The following NOX4 variants were observed in gnomAD, a reference collection of about 807,000 sequenced individuals.
NOX4 encodes NADPH oxidase 4.
A neutral mutation model predicts 87.6 loss-of-function variants in NOX4; 69 were observed. The ratio of observed to expected loss-of-function variants is 0.79; its 90% confidence interval spans 0.65 to 0.96. The LOEUF (loss-of-function observed/expected upper bound fraction) is 0.96. Among genes scored for constraint, NOX4 ranks in the 40% least tolerant of loss-of-function variants. The pLI is 0.00. For synonymous variants in NOX4, 275 were observed against 238.2 expected (o/e 1.15, Z -1.42); for missense variants, 680 against 681.5 (o/e 1.00, Z 0.02).
intron 8 of NOX4, among the ~76,000 whole-genome samples, chr11:89,420,767 TCAGGTTAAGAAAAATA>T (rs1320707288): frequency 6.6e-6 from 1 of 152,200 alleles, no homozygotes; most frequent in African/African-American, 2.4e-5. Context: ...TGGAAATATT[TCAGGTTAAGAAAAATA>T]GGGATTGTCA....
intron 12 of NOX4, among the ~76,000 whole-genome samples, chr11:89,362,607 C>T (rs1267342852): frequency 6.6e-6 from 1 of 151,944 alleles, no homozygotes; most frequent in African/African-American, 2.4e-5. Flanking sequence ...AGTAATCTAT[C>T]AATCATCTAT....
chr11:89,531,156 C>T, the NOX4 span, among the ~76,000 whole-genome samples: 2 of 152,124 alleles, frequency 1.3e-5, no homozygotes, highest in Non-Finnish European at 2.9e-5. Context: ...GATAAATGCA[C>T]AAAATTTCTC....
intron 2 of NOX4, among the ~76,000 whole-genome samples, chr11:89,482,006 G>T (rs1946409403): frequency 6.6e-6 from 1 of 152,022 alleles, no homozygotes; most frequent in Non-Finnish European, 1.5e-5. Flanking sequence ...TTGATGCCAA[G>T]ATCTAAAAAA....
chr11:89,448,726 T>G (rs1944819222), intron 4 of NOX4, among the ~76,000 whole-genome samples: 1 of 151,542 alleles, frequency 6.6e-6, no homozygotes, highest in African/African-American at 2.4e-5. Context: ...TACAAAAAAA[T>G]ACAAAAACTA....
At position 89,473,356 on chromosome 11, in the gene NOX4, T is replaced by C. The variant is rs2135449269; in HGVS notation, c.153+17102A>G. 1.3e-5 allele frequency among the ~76,000 whole-genome samples: 2 copies of C among 152,204 alleles called. 1 individual carries two copies. Among genetic ancestry groups the C allele is most frequent in the South Asian group, 4.1e-4 (2 of 4,826 alleles). On this transcript the variant is annotated intron_variant, in intron 2 of 17. Transcript: ENST00000263317. ...CTCATCTACTCCTCATCAAAAACAA[T>C]CATTCCAAAATGTTGCCTCATTCCT... is the stretch of plus-strand genomic sequence containing the variant.
upstream of NOX4, among the ~76,000 whole-genome samples, chr11:89,499,687 T>C (rs1162187502): frequency 6.6e-6 from 1 of 152,160 alleles, no homozygotes; most frequent in Non-Finnish European, 1.5e-5. Flanking sequence ...AGCTTAAATG[T>C]CTCTAATGTT....
chr11:89,527,061 T>C, the NOX4 span, among the ~76,000 whole-genome samples: 1 of 152,098 alleles, frequency 6.6e-6, no homozygotes, highest in East Asian at 1.9e-4. Flanking sequence ...TTTTTGGGAA[T>C]TGGAATAAAG....
intron 2 of NOX4, among the ~76,000 whole-genome samples, chr11:89,460,437 T>G (rs1945403003): frequency 6.6e-6 from 1 of 152,134 alleles, no homozygotes; most frequent in South Asian, 2.1e-4. Context: ...ATATCCAGAA[T>G]CTACGATGAA....
intron 11 of NOX4, among the ~76,000 whole-genome samples, chr11:89,394,179 C>G (rs1293569635): frequency 6.6e-6 from 1 of 152,138 alleles, no homozygotes; most frequent in East Asian, 1.9e-4. Context: ...AGAAGCCTCT[C>G]TTCAGTGTGA....
chr11:89,480,242 A>AT (rs887543337), intron 2 of NOX4, among the ~76,000 whole-genome samples: 41 of 151,964 alleles, frequency 2.7e-4, no homozygotes, highest in Middle Eastern at 3.4e-3. Context: ...GTTGACTGCC[A>AT]TTTTTTTTGG....
intron 5 of NOX4, chr11:89,443,777 C>T (rs1167518622): frequency 1.2e-5 from 2 of 166,544 alleles, no homozygotes; most frequent in Non-Finnish European, 2.6e-5. Flanking sequence ...TTCCCCAAAA[C>T]CCAGTATGTG....
intron 2 of NOX4, among the ~76,000 whole-genome samples, chr11:89,455,060 A>G (rs1945126664): frequency 6.6e-6 from 1 of 152,126 alleles, no homozygotes; most frequent in Non-Finnish European, 1.5e-5. Flanking sequence ...AATAGCTCCT[A>G]TAGGCCATAT....
At chr11:89,516,149 A>T in the NOX4 span, among the ~76,000 whole-genome samples, 1 of 152,044 alleles carries the variant, frequency 6.6e-6, no homozygotes, top group Non-Finnish European at 1.5e-5. Flanking sequence ...CTTAAAAAAA[A>T]ATCAGAATCT....
At chr11:89,329,979 A>G (rs1446603411) in intron 17 of NOX4, among the ~76,000 whole-genome samples, 1 of 152,094 alleles carries the variant, frequency 6.6e-6, no homozygotes, top group African/African-American at 2.4e-5. Flanking sequence ...CAGTAAATAT[A>G]AAATATTTAT....
chr11:89,520,852 A>T, the NOX4 span, among the ~76,000 whole-genome samples: 3 of 152,216 alleles, frequency 2.0e-5, no homozygotes, highest in Non-Finnish European at 4.4e-5. Flanking sequence ...AAGTTTCAGG[A>T]TACAAAATCA....
upstream of NOX4, among the ~76,000 whole-genome samples, chr11:89,496,550 T>G (rs1331971703): frequency 6.6e-6 from 1 of 151,466 alleles, no homozygotes; most frequent in Non-Finnish European, 1.5e-5. Context: ...ATATAAAATT[T>G]TATATGCCAA....
intron 8 of NOX4, among the ~76,000 whole-genome samples, chr11:89,412,257 T>C (rs1176398372): frequency 1.3e-5 from 2 of 152,288 alleles, no homozygotes; most frequent in Admixed American, 1.3e-4. Context: ...ATTGGACCGA[T>C]CTTTCAGACA....
At chr11:89,378,755 T>A (rs1940051565) in intron 11 of NOX4, among the ~76,000 whole-genome samples, 1 of 152,124 alleles carries the variant, frequency 6.6e-6, no homozygotes, top group South Asian at 2.1e-4. Flanking sequence ...ATTTATTCAC[T>A]CAAGAAATAT....
chr11:89,324,995 T>C lies in NOX4; in HGVS notation c.*1761A>G, dbSNP rs1009028236. ...CCTTAGCATCTATCATGTTATGTTT[T>C]ATGTAACATTTTAACAATGGCAAGG... On this transcript the variant is annotated 3_prime_UTR_variant, in exon 18 of 18. Transcript: ENST00000263317. 6.6e-6 allele frequency: 1 copy of C among 151,996 alleles called. No individual in the cohort carries two copies. Among genetic ancestry groups the C allele is most frequent in the African/African-American group, 2.4e-5 (1 of 41,414 alleles). 9.4% of individuals were successfully genotyped at this position (151,996 alleles called of 1,614,324 possible).
Sources: allele counts gnomAD v4.1 joint callset (sites outside exome capture counted in the v4.1 genomes callset), GRCh38; gene constraint gnomAD v4.1.1; transcripts MANE v1.5; gene names NCBI Gene and HGNC (gene_info 2026-07-23, HGNC 2026-07-21).